ADIPOR2: variants seen among roughly 807,000 people sequenced by gnomAD.
ADIPOR2 encodes adiponectin receptor 2.
ADIPOR2 carries 18 observed loss-of-function variants against 40.9 expected under a neutral mutation model. The observed-to-expected ratio is 0.44, with a 90% CI of 0.30 to 0.65. The LOEUF is 0.65. Ranked by LOEUF, ADIPOR2 falls within the 30% of genes least tolerant of loss-of-function variation. The pLI, the probability that ADIPOR2 is intolerant of heterozygous loss-of-function variation, is 0.09. For missense variants in ADIPOR2, 283 were observed against 479.2 expected (o/e 0.59, Z 3.82); for synonymous variants, 165 against 166.4 (o/e 0.99, Z 0.06).
In ADIPOR2 at chr12:1,785,852, C is replaced by T. The variant is rs1450585969; in HGVS notation, c.1033-92C>T. ...CATCCATTCCCTGCCTTCTGCTCAG[C>T]ATAAACCAGGATTAAACGATCCTAA... On this transcript the variant is annotated intron_variant, in intron 7 of 7. Transcript: ENST00000357103. 4 of 1,508,840 alleles carry T rather than the reference C, an allele frequency of 2.7e-6. No individual in the cohort carries two copies. The East Asian group carries it at 9.0e-5, about 34-fold the overall frequency. The allele number at this position is 1,508,840 out of a possible 1,614,324, so 93.5% of individuals were successfully genotyped here.
chr12:1,717,221 GT>G (rs966149924), intron 1 of ADIPOR2, among the ~76,000 whole-genome samples: 1 of 152,060 alleles, frequency 6.6e-6, no homozygotes, highest in African/African-American at 2.4e-5. Context: ...TTCTCTTGAT[GT>G]TTTTTCACTT....
intron 1 of ADIPOR2, among the ~76,000 whole-genome samples, chr12:1,738,433 T>G (rs774312000): frequency 4.9e-4 from 74 of 152,182 alleles, no homozygotes; most frequent in Non-Finnish European, 1.8e-4. Context: ...TAACTCTGTA[T>G]TGAGCCAGAA....
chr12:1,692,099 T>TTA (rs1555164654), intron 1 of ADIPOR2, among the ~76,000 whole-genome samples: 2 of 151,536 alleles, frequency 1.3e-5, no homozygotes, highest in African/African-American at 2.4e-5. Flanking sequence ...TTTTTTTTTT[T>TTA]ATCACCCCTT....
intron 1 of ADIPOR2, among the ~76,000 whole-genome samples, chr12:1,715,519 C>T (rs2094685754): frequency 6.6e-6 from 1 of 152,118 alleles, no homozygotes; most frequent in Non-Finnish European, 1.5e-5. Context: ...CTCTCAACCC[C>T]GAGTTATCGT....
At chr12:1,761,798 C>T (rs985543623) in intron 2 of ADIPOR2, among the ~76,000 whole-genome samples, 1 of 152,188 alleles carries the variant, frequency 6.6e-6, no homozygotes, top group Non-Finnish European at 1.5e-5. Flanking sequence ...TGGAATACAC[C>T]TGACAGGACT....
chr12:1,705,677 A>G (rs2094660746), intron 1 of ADIPOR2, among the ~76,000 whole-genome samples: 1 of 152,232 alleles, frequency 6.6e-6, no homozygotes, highest in African/African-American at 2.4e-5. Flanking sequence ...TTCAAAAACA[A>G]TAGTCATTAT....
intron 3 of ADIPOR2, among the ~76,000 whole-genome samples, chr12:1,775,093 C>G (rs1329574003): frequency 6.6e-6 from 1 of 152,050 alleles, no homozygotes; most frequent in Non-Finnish European, 1.5e-5. Context: ...GCCTCGGCCT[C>G]CCATAGTGCT....
chr12:1,761,211 C>T (rs528268230), intron 2 of ADIPOR2, among the ~76,000 whole-genome samples: 1 of 152,234 alleles, frequency 6.6e-6, no homozygotes, highest in East Asian at 1.9e-4. Flanking sequence ...GGTCTTAGAA[C>T]ATATTTCCTG....
At position 1,717,706 on chromosome 12, in the gene ADIPOR2, A is replaced by C. The variant is rs1472104371; in HGVS notation, c.-87+26515A>C. Among the ~76,000 whole-genome samples the C allele has an allele frequency of 3.3e-5, 5 of 151,160 alleles. No homozygotes were observed. The East Asian group carries it at 1.0e-3, about 30-fold the overall frequency. ...GGCAATGAGAATGAAATTCCATCTT[A>C]AGGAAAAAAAAAAAATTCAGCTTCT... On this transcript the variant is annotated intron_variant, in intron 1 of 7. Transcript: ENST00000357103.
At chr12:1,770,404 G>T (rs1244965047) in intron 2 of ADIPOR2, among the ~76,000 whole-genome samples, 1 of 152,126 alleles carries the variant, frequency 6.6e-6, no homozygotes. Flanking sequence ...CTTTGTTTCT[G>T]TTTCTTTGGA....
intron 1 of ADIPOR2, among the ~76,000 whole-genome samples, chr12:1,742,293 G>A (rs1159783659): frequency 6.6e-6 from 1 of 152,130 alleles, no homozygotes; most frequent in African/African-American, 2.4e-5. Context: ...GAGTCTTGCC[G>A]TGTTGCCCAG....
Position 1,739,445 on chromosome 12 carries a change from T to TGTA in ADIPOR2, c.-86-14811_-86-14810insAGT, listed in dbSNP as rs567305638. Among the ~76,000 whole-genome samples the TGTA allele has an allele frequency of 2.5e-3, 378 of 152,362 alleles. 4 individuals carry two copies. Among genetic ancestry groups the TGTA allele is most frequent in the African/African-American group, 8.5e-3 (353 of 41,578 alleles). On this transcript the variant is annotated intron_variant, in intron 1 of 7. Transcript: ENST00000357103. ...TATAGCTAGCCCCTGGGTATCTACC[T>TGTA]GTTTTTGTATGGCTCATGAGCAAAG...
intron 1 of ADIPOR2, among the ~76,000 whole-genome samples, chr12:1,728,989 C>CA (rs1304549825): frequency 1.7e-5 from 2 of 115,800 alleles, no homozygotes; most frequent in Non-Finnish European, 3.4e-5. Flanking sequence ...TTTAACAAGA[C>CA]AGTCATTTGT....
In ADIPOR2 at chr12:1,734,169, C is replaced by A. The variant is rs951486078; in HGVS notation, c.-86-20089C>A. On this transcript the variant is annotated intron_variant, in intron 1 of 7. Coordinates refer to ENST00000357103, the MANE Select transcript of ADIPOR2 (RefSeq NM_024551.3). The stretch of plus-strand genomic sequence containing the variant: ...TCAAATGGTATTTCTAGTTCTAGAT[C>A]CTTGAGGAATCGCCACACTGACTTC... Among the ~76,000 whole-genome samples the A allele has an allele frequency of 7.2e-5, 11 of 152,272 alleles. No individual in the cohort carries two copies. In the East Asian group the frequency reaches 1.5e-3, roughly 21 times the overall value.
chr12:1,699,197 G>C (rs1341519580), intron 1 of ADIPOR2, among the ~76,000 whole-genome samples: 1 of 152,140 alleles, frequency 6.6e-6, no homozygotes, highest in East Asian at 1.9e-4. Context: ...ATAGCAGGTG[G>C]TAAGTAAATG....
At chr12:1,784,579 C>T (rs1209006801) in intron 7 of ADIPOR2, among the ~76,000 whole-genome samples, 1 of 152,162 alleles carries the variant, frequency 6.6e-6, no homozygotes, top group Non-Finnish European at 1.5e-5. Context: ...GACCAGATTT[C>T]TATCAGGGTC....
chr12:1,783,694 G>C (rs1592635545), intron 6 of ADIPOR2, among the ~76,000 whole-genome samples, 186 bp from the exon 7 acceptor site: 1 of 152,206 alleles, frequency 6.6e-6, no homozygotes, highest in Non-Finnish European at 1.5e-5. Flanking sequence ...GAACATAGCT[G>C]TGTTGTCTTG....
intron 7 of ADIPOR2, 109 bp from the exon 8 acceptor site, chr12:1,785,835 C>G: frequency 2.9e-6 from 4 of 1,402,074 alleles, no homozygotes; most frequent in Non-Finnish European, 3.9e-6. Context: ...CACATCCATT[C>G]CCTGCCTTCT....
intron 1 of ADIPOR2, among the ~76,000 whole-genome samples, chr12:1,695,503 T>A (rs7135363): frequency 0.87 from 127,675 of 146,980 alleles, 54,395 homozygotes; most frequent in African/African-American, 0.88. Context: ...AAAAATATAT[T>A]AAAAAAAAAA....
Sources: allele counts gnomAD v4.1 joint callset (sites outside exome capture counted in the v4.1 genomes callset), GRCh38; gene constraint gnomAD v4.1.1; transcripts MANE v1.5; gene names NCBI Gene and HGNC (gene_info 2026-07-23, HGNC 2026-07-21).